The following HAUS6 variants were observed in gnomAD, a reference collection of about 807,000 sequenced individuals.
The protein encoded by HAUS6 is HAUS augmin-like complex subunit 6.
In HAUS6, 80 loss-of-function variants were observed where a neutral mutation model predicts 106.8. The observed-to-expected ratio is 0.75, with a 90% CI of 0.63 to 0.90. HAUS6 has a LOEUF of 0.90. Ranked by LOEUF, HAUS6 falls within the 40% of genes least tolerant of loss-of-function variation. The pLI, the probability that HAUS6 is intolerant of heterozygous loss-of-function variation, is 0.00. For synonymous variants in HAUS6, 356 were observed against 379.1 expected, an observed-to-expected ratio of 0.94 and a Z score of 0.71; for missense variants, 1,155 against 1,118.1, an observed-to-expected ratio of 1.03 and a Z score of -0.47.
chr9:19,099,140 A>G (rs1024787227), intron 1 of HAUS6, among the ~76,000 whole-genome samples: 1 of 151,454 alleles, frequency 6.6e-6, no homozygotes, highest in African/African-American at 2.4e-5. Context: ...TGAATAAAAA[A>G]TAATGGGGTT....
intron 1 of HAUS6, among the ~76,000 whole-genome samples, chr9:19,097,614 GGAT>G (rs1369490988): frequency 2.0e-5 from 3 of 152,130 alleles, no homozygotes; most frequent in African/African-American, 7.2e-5. Context: ...GTGCTGGAAA[GGAT>G]GTGGAGAAAG....
chr9:19,078,214 C>G lies in HAUS6; in HGVS notation c.1153G>C (p.Gly385Arg), dbSNP rs937176274. ...TTAATTAGACTGAAAGGAGACAAAC[C>G]AAGAAATTCTTTCCACTTTTTATGC... ...EWHKKWKEFL[G>R]LSPFSLIKGW... Residue 385 changes from glycine to arginine, a missense_variant, in exon 10 of 17, where the codon GGT (glycine) becomes CGT (arginine). Gly to Arg is a moderately radical substitution (Grantham distance 125, BLOSUM62 -2). This residue lies in a region of HAUS6 where 761 missense variants were observed against 690.0 expected (regional missense o/e 1.10). Transcript: ENST00000380502. The G allele has an allele frequency of 4.4e-6, 7 of 1,603,132 alleles. No individual in the cohort carries two copies. The highest frequency in any genetic ancestry group is 6.0e-6 in the Non-Finnish European group (7 of 1,172,058).
At chr9:19,096,842 A>T in intron 1 of HAUS6, 73 bp from the exon 2 acceptor site, 2 of 666,838 alleles carry the variant, frequency 3.0e-6, no homozygotes, top group Non-Finnish European at 5.1e-6. Flanking sequence ...AAAGCTGAGT[A>T]AGACTTTGAC....
intron 14 of HAUS6, among the ~76,000 whole-genome samples, chr9:19,061,591 T>C (rs1836620831): frequency 6.6e-6 from 1 of 152,062 alleles, no homozygotes; most frequent in South Asian, 2.1e-4. Flanking sequence ...TCCCAGCACT[T>C]TGGGAGGCCA....
intron 14 of HAUS6, among the ~76,000 whole-genome samples, chr9:19,061,427 A>C (rs1002596345): frequency 6.6e-6 from 1 of 152,242 alleles, no homozygotes; most frequent in Non-Finnish European, 1.5e-5. Context: ...AAAGTAAAAA[A>C]TACTAACCAT....
intron 10 of HAUS6, among the ~76,000 whole-genome samples, chr9:19,077,301 G>C (rs1156471386): frequency 6.6e-6 from 1 of 152,208 alleles, no homozygotes; most frequent in African/African-American, 2.4e-5. Context: ...TTGGGAGGCA[G>C]AGGCAGGTGG....
At chr9:19,057,373 C>T (rs1463627911) in intron 16 of HAUS6, 1 of 152,304 alleles carries the variant, frequency 6.6e-6, no homozygotes, top group Non-Finnish European at 1.5e-5. Flanking sequence ...CCTGGTGCTA[C>T]CAGAGGCTAG....
At chr9:19,078,102 GAGCA>G in intron 10 of HAUS6, 70 bp downstream of exon 10, 1 of 1,202,560 alleles carries the variant, frequency 8.3e-7, no homozygotes, top group Non-Finnish European at 1.2e-6. Context: ...CTGGGCAACA[GAGCA>G]AGACACTGTC....
Position 19,070,294 on chromosome 9 carries a change from T to G in HAUS6, c.1301A>C (p.His434Pro). The G allele has an allele frequency of 1.3e-6, 2 of 1,566,954 alleles. No individual in the cohort carries two copies. The highest frequency in any genetic ancestry group is 1.8e-6 in the Non-Finnish European group (2 of 1,137,674). The change falls in exon 12 of 17, where the codon CAT becomes CCT. Residue 434 changes from histidine (H) to proline (P), a missense_variant. Around this residue, in one of 3 missense-constraint regions of HAUS6, gnomAD observed 761 missense variants for 690.0 expected, o/e 1.10. Transcript: ENST00000380502. ...CQYPASLPDA[H>P]KQHNQENGCR... ...ACCATTTTCTTGGTTATGTTGCTTA[T>G]GTGCATCTAAAGAAATTTAAAAATT...
chr9:19,072,761 G>A (rs1243929801), intron 11 of HAUS6, among the ~76,000 whole-genome samples: 2 of 151,976 alleles, frequency 1.3e-5, no homozygotes, highest in Non-Finnish European at 2.9e-5. Context: ...CTTCTCAAAA[G>A]GAGAAGAACA....
chr9:19,072,017 CCGTCTCTA>C (rs1174298248), intron 11 of HAUS6, among the ~76,000 whole-genome samples: 5 of 140,994 alleles, frequency 3.5e-5, no homozygotes, highest in Non-Finnish European at 8.0e-5. Context: ...CAGCCTGGCC[CCGTCTCTA>C]CTAAAAATAC....
At chr9:19,077,941 G>C (rs1837046664) in intron 10 of HAUS6, among the ~76,000 whole-genome samples, 1 of 152,010 alleles carries the variant, frequency 6.6e-6, no homozygotes, top group African/African-American at 2.4e-5. Context: ...CAAACCTGTA[G>C]TCCCAGCTAC....
At chr9:19,101,637 A>G (rs1250831868) in intron 1 of HAUS6, among the ~76,000 whole-genome samples, 2 of 152,156 alleles carry the variant, frequency 1.3e-5, no homozygotes, top group Non-Finnish European at 2.9e-5. Context: ...TTAAAAAAAT[A>G]GAGGCCGGGC....
At chr9:19,076,312 C>G (rs1837003109) in intron 11 of HAUS6, among the ~76,000 whole-genome samples, 1 of 151,760 alleles carries the variant, frequency 6.6e-6, no homozygotes, top group Admixed American at 6.6e-5. Flanking sequence ...TGAGATTGTT[C>G]GACTGCACTC....
rs770185012 is a variant in HAUS6 at position 19,058,275 on chromosome 9, T to G, written c.2492A>C (p.Gln831Pro). 20 of 1,613,864 alleles carry G rather than the reference T, an allele frequency of 1.2e-5. No homozygotes were observed. In the East Asian group the frequency reaches 4.5e-4, roughly 36 times the overall value. Residue 831 changes from glutamine (Q) to proline (P), a missense_variant, in exon 16 of 17, where the codon CAG (glutamine) becomes CCG (proline). By Grantham distance (76) the Gln-to-Pro change is moderately conservative. Around this residue, in one of 3 missense-constraint regions of HAUS6, gnomAD observed 380 missense variants for 394.8 expected, o/e 0.96. Coordinates refer to ENST00000380502, the MANE Select transcript of HAUS6 (RefSeq NM_017645.5). ...AGCCTCGTATCTACTGCGAAGAGCCTGTAAATTAAAGTCTGATTCTGGAGT... is the reference window on the plus strand; with the variant it reads ...AGCCTCGTATCTACTGCGAAGAGCCGGTAAATTAAAGTCTGATTCTGGAGT... ...QTTPESDFNL[Q>P]ALRSRYEALK...
At chr9:19,102,484 G>A (rs41269013) in intron 1 of HAUS6, 40 bp downstream of exon 1, 17,027 of 1,601,208 alleles carry the variant, frequency 0.011, 102 homozygotes, top group Non-Finnish European at 0.013. Flanking sequence ...GGCGTCCCCC[G>A]GTTCAGGCTC....
chr9:19,096,872 C>A, intron 1 of HAUS6, 103 bp from the exon 2 acceptor site: 3 of 547,134 alleles, frequency 5.5e-6, no homozygotes, highest in Non-Finnish European at 3.2e-6. Context: ...TGTTTTCATT[C>A]TCTTCAGGAA....
chr9:19,070,809 GTGTTA>G (rs1176878200), intron 11 of HAUS6, among the ~76,000 whole-genome samples: 1 of 152,218 alleles, frequency 6.6e-6, no homozygotes, highest in South Asian at 2.1e-4. Flanking sequence ...GATGAGTCAA[GTGTTA>G]TGTTATACTT....
intron 12 of HAUS6, among the ~76,000 whole-genome samples, chr9:19,068,804 T>A (rs72696455): frequency 0.035 from 5,320 of 151,944 alleles, 116 homozygotes; most frequent in Non-Finnish European, 0.051. Flanking sequence ...TGTTCCCCAA[T>A]CGGATTACAT....
Sources: allele counts gnomAD v4.1 joint callset (sites outside exome capture counted in the v4.1 genomes callset), GRCh38; gene constraint gnomAD v4.1.1; regional missense constraint gnomAD v4.1.1; transcripts MANE v1.5; gene names NCBI Gene and HGNC (gene_info 2026-07-23, HGNC 2026-07-21).